Variants in BMP7 observed in about 807,000 individuals in gnomAD.
The protein encoded by BMP7 is bone morphogenetic protein 7.
Under a neutral mutation model 41.2 loss-of-function variants are expected in BMP7, and 12 were observed. That is an observed-to-expected ratio of 0.29 (90% CI 0.19 to 0.47). The LOEUF is 0.47. Among genes scored for constraint, BMP7 ranks in the 20% least tolerant of loss-of-function variants. The probability of loss-of-function intolerance (pLI) is 0.99; values close to 1 mark genes in which losing one functional copy is unlikely to be tolerated. For synonymous variants in BMP7, 248 were observed against 250.0 expected, an observed-to-expected ratio of 0.99 and a Z score of 0.07; for missense variants, 467 against 606.0, an observed-to-expected ratio of 0.77 and a Z score of 2.41.
chr20:57,218,583 C>T (rs1300703428), intron 2 of BMP7, among the ~76,000 whole-genome samples: 3 of 144,910 alleles, frequency 2.1e-5, no homozygotes, highest in African/African-American at 7.8e-5. Context: ...TTGGTAGTAG[C>T]TGGTGTTTGG....
In BMP7 at chr20:57,170,958, G is replaced by T; in HGVS notation, c.*1C>A. 6.2e-7 allele frequency: 1 copy of T among 1,613,282 alleles called. No homozygotes were observed. Among genetic ancestry groups the T allele is most frequent in the Non-Finnish European group, 8.5e-7 (1 of 1,179,814 alleles). ...CCAAAGGGTCTGAATTCTCGGAGGA[G>T]CTAGTGGCAGCCACAGGCCCGGACC... On this transcript the variant is annotated 3_prime_UTR_variant, in exon 7 of 7. Coordinates refer to ENST00000395863, the MANE Select transcript of BMP7 (RefSeq NM_001719.3).
At chr20:57,218,734 G>A (rs943026318) in intron 2 of BMP7, among the ~76,000 whole-genome samples, 29 of 150,554 alleles carry the variant, frequency 1.9e-4, no homozygotes, top group African/African-American at 5.9e-4. Flanking sequence ...GTGTTTGTTC[G>A]GTGGTAGCTG....
intron 5 of BMP7, chr20:57,173,655 A>C: frequency 3.0e-6 from 1 of 336,182 alleles, no homozygotes; most frequent in Non-Finnish European, 5.6e-6. Context: ...ACATAAAATA[A>C]AAATGAAGGA....
At chr20:57,248,982 T>C (rs1302222500) in intron 1 of BMP7, among the ~76,000 whole-genome samples, 2 of 151,946 alleles carry the variant, frequency 1.3e-5, no homozygotes, top group African/African-American at 4.8e-5. Flanking sequence ...TTTGTATTTT[T>C]AGTAGAGACG....
intron 3 of BMP7, among the ~76,000 whole-genome samples, chr20:57,199,272 C>G (rs989989400): frequency 1.3e-5 from 2 of 152,188 alleles, no homozygotes; most frequent in African/African-American, 4.8e-5. Context: ...GGGTACCTGT[C>G]AGCCCAGGCA....
At chr20:57,263,645 G>A (rs551428499) in intron 1 of BMP7, among the ~76,000 whole-genome samples, 8 of 152,266 alleles carry the variant, frequency 5.3e-5, no homozygotes, top group East Asian at 1.9e-4. Context: ...GTGGGAGTCC[G>A]GGGTACCCAA....
chr20:57,173,097 GGGCTGACATCTACTCA>G, intron 6 of BMP7, 87 bp downstream of exon 6: 1 of 1,231,302 alleles, frequency 8.1e-7, no homozygotes, highest in Non-Finnish European at 1.2e-6. Flanking sequence ...ACATGGCAAT[GGGCTGACATCTACTCA>G]GGCCCCAGCT....
At chr20:57,201,770 G>T (rs1420235637) in intron 3 of BMP7, among the ~76,000 whole-genome samples, 1 of 152,182 alleles carries the variant, frequency 6.6e-6, no homozygotes, top group Admixed American at 6.5e-5. Flanking sequence ...TCTGTTTGGG[G>T]TGGGGAAAAA....
intron 2 of BMP7, among the ~76,000 whole-genome samples, chr20:57,211,372 C>G (rs546235949): frequency 2.0e-5 from 3 of 152,174 alleles, no homozygotes; most frequent in Non-Finnish European, 2.9e-5. Context: ...GAGCCCCACC[C>G]AAGTTAGAGG....
chr20:57,171,388 G>C lies in BMP7; in HGVS notation c.1147-280C>G, dbSNP rs7269236. On this transcript the variant is annotated intron_variant, in intron 6 of 6. Transcript: ENST00000395863. This position sits in a 1 kb window ranked among gnomAD's most constrained non-coding sequence, Gnocchi z 4.5. ...GACATTCAGGACCAGGTAATTCTCT[G>C]TTGGGGAACTGCCCTGTGCACTGTA... Among the ~76,000 whole-genome samples, 1,056 of 152,328 alleles carry C rather than the reference G, an allele frequency of 6.9e-3. 15 individuals carry two copies. The highest frequency in any genetic ancestry group is 0.024 in the African/African-American group (1,002 of 41,564).
chr20:57,258,660 A>C (rs2066143058), intron 1 of BMP7, among the ~76,000 whole-genome samples: 1 of 152,190 alleles, frequency 6.6e-6, no homozygotes, highest in Non-Finnish European at 1.5e-5. Context: ...TAGATGCTAA[A>C]ATTGGGGAAA....
At chr20:57,234,071 A>G (rs749442793) in intron 1 of BMP7, among the ~76,000 whole-genome samples, 5 of 152,002 alleles carry the variant, frequency 3.3e-5, no homozygotes, top group Non-Finnish European at 7.4e-5. Flanking sequence ...AGCCTTGCCC[A>G]TGTCCCCCCA....
Position 57,171,040 on chromosome 20 carries a change from G to A in BMP7, c.1215C>T (p.Ser405=), listed in dbSNP as rs141004050. 1.2e-3 allele frequency: 1,998 copies of A among 1,614,188 alleles called. 21 individuals carry two copies. In the African/African-American group the frequency reaches 0.02, roughly 16 times the overall value. ...TGGAGCTGTCATCGAAGTAGAGGAC[G>A]GAGATGGCATTGAGCTGCGTGGGCG... ...CCAPTQLNAI[S]VLYFDDSSNV... Residue 405 remains serine (S), a synonymous_variant, in exon 7 of 7, where the codon TCC becomes TCT. Transcript: ENST00000395863. This position sits in a 1 kb window ranked among gnomAD's most constrained non-coding sequence, Gnocchi z 4.5.
intron 1 of BMP7, among the ~76,000 whole-genome samples, chr20:57,263,678 C>T (rs765259264): frequency 6.6e-6 from 1 of 152,204 alleles, no homozygotes; most frequent in Non-Finnish European, 1.5e-5. Context: ...TGCTATAAAT[C>T]CCCCACCAGA....
At chr20:57,183,981 G>A in intron 3 of BMP7, 62 bp from the exon 4 acceptor site, 2 of 1,571,948 alleles carry the variant, frequency 1.3e-6, no homozygotes, top group South Asian at 2.3e-5. Context: ...AGCGGGACAG[G>A]GCTGCAGAGA....
chr20:57,190,215 C>T (rs1984318488), intron 3 of BMP7, among the ~76,000 whole-genome samples: 1 of 150,438 alleles, frequency 6.6e-6, no homozygotes, highest in Admixed American at 6.6e-5. Context: ...AGCGAGGAAC[C>T]AGAGGGGGTG....
At chr20:57,218,418 TTGTTTGGTGGTAGCTGG>T (rs1266288644) in intron 2 of BMP7, among the ~76,000 whole-genome samples, 1 of 146,798 alleles carries the variant, frequency 6.8e-6, no homozygotes, top group Non-Finnish European at 1.5e-5. Flanking sequence ...TAGCTGGTGT[TTGTTTGGTGGTAGCTGG>T]TGTTTGGTGG....
rs527589431 is a variant in BMP7 at position 57,225,329 on chromosome 20, A to G, written c.611+2900T>C. On this transcript the variant is annotated intron_variant, in intron 2 of 6. Coordinates refer to ENST00000395863, the MANE Select transcript of BMP7 (RefSeq NM_001719.3). ...AGGGGAATTGGCTCGGTGGACCTAC[A>G]TGGGAAGGCAGTGCCACAGCCACCA... Among the ~76,000 whole-genome samples the G allele has an allele frequency of 3.0e-4, 46 of 152,218 alleles. 1 individual carries two copies. In the South Asian group the frequency reaches 8.9e-3, roughly 30 times the overall value.
At chr20:57,229,181 A>G (rs1353695683) in intron 1 of BMP7, among the ~76,000 whole-genome samples, 1 of 152,184 alleles carries the variant, frequency 6.6e-6, no homozygotes, top group Non-Finnish European at 1.5e-5. Context: ...TGGACATGGG[A>G]AGAGAAGCAC....
Sources: gnomAD v4.1 joint callset for allele counts (sites outside exome capture counted in the v4.1 genomes callset) on GRCh38, gnomAD v4.1.1 for gene constraint, Gnocchi (gnomAD v3.1) non-coding constraint, MANE v1.5 for transcripts, NCBI Gene and HGNC (gene_info 2026-07-23, HGNC 2026-07-21) for gene names.